The following SPOCK1 variants were observed in gnomAD, a reference collection of about 807,000 sequenced individuals.
The protein encoded by SPOCK1 is SPARC (osteonectin), cwcv and kazal like domains proteoglycan 1.
A neutral mutation model predicts 55.3 loss-of-function variants in SPOCK1; 23 were observed. That is an observed-to-expected ratio of 0.42 (90% CI 0.30 to 0.59). SPOCK1 has a LOEUF of 0.59. Ranked by LOEUF, SPOCK1 falls within the 20% of genes least tolerant of loss-of-function variation. The pLI, the probability that SPOCK1 is intolerant of heterozygous loss-of-function variation, is 0.22. For missense variants in SPOCK1, 499 were observed against 552.5 expected (o/e 0.90, Z 0.97); for synonymous variants, 226 against 221.0 (o/e 1.02, Z -0.20).
At position 136,992,549 on chromosome 5, in the gene SPOCK1, A is replaced by C. The variant is rs764248848; in HGVS notation, c.641T>G (p.Phe214Cys). Residue 214 changes from phenylalanine (F) to cysteine (C), a missense_variant, in exon 7 of 11, where the codon TTT (phenylalanine) becomes TGT (cysteine). Phe to Cys is a radical substitution (Grantham distance 205, BLOSUM62 -2). Coordinates refer to ENST00000394945, the MANE Select transcript of SPOCK1 (RefSeq NM_004598.4). Reference sequence around the variant, plus strand: ...GTTCGCATCCTCGTGGAGAGCTCCAAACCAATCCTTCAGCCGGGAGGCAAG... The same window carrying C: ...GTTCGCATCCTCGTGGAGAGCTCCACACCAATCCTTCAGCCGGGAGGCAAG... ...RNLASRLKDW[F>C]GALHEDANRV... 6.2e-7 allele frequency: 1 copy of C among 1,613,982 alleles called. No homozygotes were observed. The highest frequency in any genetic ancestry group is 1.1e-5 in the South Asian group (1 of 91,060).
intron 2 of SPOCK1, among the ~76,000 whole-genome samples, chr5:137,294,592 T>C (rs921896608): frequency 1.3e-5 from 2 of 152,138 alleles, no homozygotes; most frequent in African/African-American, 4.8e-5. Flanking sequence ...CAAACTGACA[T>C]TTTCCATTAT....
At chr5:137,174,127 T>G (rs1754807336) in intron 3 of SPOCK1, among the ~76,000 whole-genome samples, 1 of 152,192 alleles carries the variant, frequency 6.6e-6, no homozygotes, top group Non-Finnish European at 1.5e-5. Context: ...CACATTTAAA[T>G]CAAGTGAGCA....
At chr5:137,467,173 C>T (rs1753638224) in intron 2 of SPOCK1, among the ~76,000 whole-genome samples, 1 of 152,238 alleles carries the variant, frequency 6.6e-6, no homozygotes, top group Admixed American at 6.5e-5. Flanking sequence ...AGAGAGGGCA[C>T]ACAAGCTGGA....
chr5:137,093,029 C>T (rs184786862), intron 5 of SPOCK1, among the ~76,000 whole-genome samples: 5 of 152,250 alleles, frequency 3.3e-5, no homozygotes, highest in African/African-American at 9.6e-5. Context: ...CATGATGACT[C>T]ATTAATCCAT....
At chr5:137,153,338 CA>C (rs1754354104) in intron 3 of SPOCK1, among the ~76,000 whole-genome samples, 1 of 152,214 alleles carries the variant, frequency 6.6e-6, no homozygotes, top group Non-Finnish European at 1.5e-5. Context: ...TCCAGACCAA[CA>C]CACTCATTTT....
intron 2 of SPOCK1, among the ~76,000 whole-genome samples, chr5:137,303,485 G>A (rs1003684884): frequency 2.0e-5 from 3 of 152,198 alleles, no homozygotes; most frequent in Non-Finnish European, 4.4e-5. Flanking sequence ...TTAAGTGGCA[G>A]AACCAGGATT....
chr5:137,026,792 A>G (rs1751684510), intron 6 of SPOCK1, among the ~76,000 whole-genome samples: 1 of 152,166 alleles, frequency 6.6e-6, no homozygotes, highest in Non-Finnish European at 1.5e-5. Flanking sequence ...GACCTCCACA[A>G]CATTCACAGG....
chr5:137,315,846 T>C (rs1757871378), intron 2 of SPOCK1, among the ~76,000 whole-genome samples: 1 of 152,082 alleles, frequency 6.6e-6, no homozygotes, highest in Admixed American at 6.5e-5. Flanking sequence ...CCCCAGGAGA[T>C]CTTATTAAAA....
chr5:137,059,575 C>A (rs1752359157), intron 6 of SPOCK1, among the ~76,000 whole-genome samples: 1 of 151,982 alleles, frequency 6.6e-6, no homozygotes, highest in African/African-American at 2.4e-5. Flanking sequence ...AAAGCAATTG[C>A]AACAAAAACA....
At chr5:137,236,014 A>G (rs1430266950) in intron 3 of SPOCK1, among the ~76,000 whole-genome samples, 2 of 152,250 alleles carry the variant, frequency 1.3e-5, no homozygotes, top group Admixed American at 1.3e-4. Flanking sequence ...TCTGTGCCTG[A>G]TCTGACTGCG....
chr5:137,280,007 C>A (rs1257829903), intron 2 of SPOCK1, among the ~76,000 whole-genome samples: 1 of 152,204 alleles, frequency 6.6e-6, no homozygotes, highest in South Asian at 2.1e-4. Flanking sequence ...TAGGGCCATG[C>A]CATGTGCCCA....
chr5:137,382,733 C>A (rs186262920), intron 2 of SPOCK1, among the ~76,000 whole-genome samples: 6 of 152,272 alleles, frequency 3.9e-5, no homozygotes, highest in African/African-American at 7.2e-5. Flanking sequence ...AAGCCAATCA[C>A]CTCTGACCAG....
intron 6 of SPOCK1, among the ~76,000 whole-genome samples, chr5:137,041,439 A>T (rs543883641): frequency 6.6e-6 from 1 of 152,338 alleles, no homozygotes; most frequent in Admixed American, 6.5e-5. Context: ...CAAAATCACA[A>T]CCTATAAAAG....
intron 3 of SPOCK1, among the ~76,000 whole-genome samples, chr5:137,215,779 A>G (rs1398695665): frequency 2.0e-5 from 3 of 152,214 alleles, no homozygotes; most frequent in African/African-American, 4.8e-5. Context: ...AGGAACCACA[A>G]GGTATCCTCA....
chr5:137,288,008 G>C (rs1392384349), intron 2 of SPOCK1, among the ~76,000 whole-genome samples: 2 of 152,342 alleles, frequency 1.3e-5, no homozygotes, highest in Middle Eastern at 3.4e-3. Flanking sequence ...TGGTTAAAGA[G>C]AGAAGGGAAG....
intron 2 of SPOCK1, among the ~76,000 whole-genome samples, chr5:137,373,876 T>C (rs979474562): frequency 4.6e-5 from 7 of 152,228 alleles, no homozygotes; most frequent in African/African-American, 1.7e-4. Flanking sequence ...CCCAAATTCT[T>C]CTTCTTTAAT....
chr5:137,112,632 A>G, intron 4 of SPOCK1, 71 bp from the exon 5 acceptor site: 1 of 1,550,796 alleles, frequency 6.4e-7, no homozygotes, highest in Non-Finnish European at 8.7e-7. Flanking sequence ...CTAAGTTCCC[A>G]GAATAAAAGG....
At chr5:137,134,563 T>C (rs1753945676) in intron 4 of SPOCK1, among the ~76,000 whole-genome samples, 1 of 152,140 alleles carries the variant, frequency 6.6e-6, no homozygotes, top group African/African-American at 2.4e-5. Context: ...ATAAGCTACA[T>C]AAATATAAAA....
intron 2 of SPOCK1, among the ~76,000 whole-genome samples, chr5:137,470,419 A>G (rs1753711287): frequency 6.6e-6 from 1 of 152,210 alleles, no homozygotes; most frequent in Non-Finnish European, 1.5e-5. Flanking sequence ...ATCCACAGGC[A>G]CAGTGTGGGA....
Sources: allele counts gnomAD v4.1 joint callset (sites outside exome capture counted in the v4.1 genomes callset), GRCh38; gene constraint gnomAD v4.1.1; transcripts MANE v1.5; gene names NCBI Gene and HGNC (gene_info 2026-07-23, HGNC 2026-07-21).